Variants in KIRREL3 observed in about 807,000 individuals in gnomAD.
The protein encoded by KIRREL3 is kirre like nephrin family adhesion molecule 3.
Under a neutral mutation model 89.7 loss-of-function variants are expected in KIRREL3, and 36 were observed. The ratio of observed to expected loss-of-function variants is 0.40; its 90% CI spans 0.31 to 0.53. KIRREL3 has a LOEUF of 0.53. Ranked by LOEUF, KIRREL3 falls within the 20% of genes least tolerant of loss-of-function variation. The pLI, the probability that KIRREL3 is intolerant of heterozygous loss-of-function variation, is 0.49. For synonymous variants in KIRREL3, 445 were observed against 441.4 expected, an observed-to-expected ratio of 1.01 and a Z score of -0.10; for missense variants, 864 against 1,056.6, an observed-to-expected ratio of 0.82 and a Z score of 2.53.
At chr11:126,717,108 G>A (rs1320586133) in intron 1 of KIRREL3, among the ~76,000 whole-genome samples, 4 of 152,244 alleles carry the variant, frequency 2.6e-5, no homozygotes, top group South Asian at 4.2e-4. Context: ...AACAAAGAAC[G>A]CCACAAAGGG....
intron 1 of KIRREL3, among the ~76,000 whole-genome samples, chr11:126,911,758 C>A (rs550467329): frequency 6.6e-6 from 1 of 151,654 alleles, no homozygotes; most frequent in South Asian, 2.1e-4. Context: ...CTGAGGTGGG[C>A]GGATGACGAG....
In KIRREL3 at chr11:126,574,977, C is replaced by T. The variant is rs1941176525; in HGVS notation, c.56-12065G>A. 6.6e-6 allele frequency among the ~76,000 whole-genome samples: 1 copy of T among 152,108 alleles called. No homozygotes were observed. The highest frequency in any genetic ancestry group is 2.4e-5 in the African/African-American group (1 of 41,426). ...GGTGGGGATCAGTGTGTCTCTGGGA[C>T]CTATTTACCCCTATGAACCACTGGG... On this transcript the variant is annotated intron_variant, in intron 1 of 16. Transcript: ENST00000525144. The surrounding 1 kb of genome is among the most constrained non-coding windows in gnomAD (Gnocchi z 5.3).
At chr11:126,759,361 C>A (rs904197923) in intron 1 of KIRREL3, among the ~76,000 whole-genome samples, 1 of 152,224 alleles carries the variant, frequency 6.6e-6, no homozygotes, top group Non-Finnish European at 1.5e-5. Flanking sequence ...AACTCCTGAC[C>A]TTGTGATCTG....
chr11:126,517,987 G>A (rs1380227527), intron 4 of KIRREL3, among the ~76,000 whole-genome samples: 1 of 152,242 alleles, frequency 6.6e-6, no homozygotes, highest in Non-Finnish European at 1.5e-5. Context: ...ATAGTCCTTG[G>A]CAGCTGGCTG....
rs1334971220 is a variant in KIRREL3 at position 126,684,502 on chromosome 11, C to T, written c.56-121590G>A. 6.6e-6 allele frequency among the ~76,000 whole-genome samples: 1 copy of T among 152,218 alleles called. No individual in the cohort carries two copies. Among genetic ancestry groups the T allele is most frequent in the Non-Finnish European group, 1.5e-5 (1 of 68,036 alleles). ...AGGGTGTTAGGGAAACCACAGGTGT[C>T]CACAATGCCTGCCATGCTATGATTT... On this transcript the variant is annotated intron_variant, in intron 1 of 16. Transcript: ENST00000525144. The surrounding 1 kb of genome is among the most constrained non-coding windows in gnomAD (Gnocchi z 4.2).
Position 127,000,673 on chromosome 11 carries a change from G to A in KIRREL3, c.-164C>T. ...GTGGCTTCGGTCTCTTTGTGCCTCT[G>A]GGTATCTGCAGCCAGCCGACACAAA... On this transcript the variant is annotated 5_prime_UTR_variant, in exon 1 of 17. Transcript: ENST00000525144. The surrounding 1 kb of genome is among the most constrained non-coding windows in gnomAD (Gnocchi z 7.1). 1 of 593,196 alleles carries A rather than the reference G, an allele frequency of 1.7e-6. No individual in the cohort carries two copies. The highest frequency in any genetic ancestry group is 2.9e-6 in the Non-Finnish European group (1 of 342,536). 36.7% of individuals were successfully genotyped at this position (593,196 alleles called of 1,614,324 possible).
chr11:126,681,856 A>G, intron 1 of KIRREL3: 1 of 454,824 alleles, frequency 2.2e-6, no homozygotes, highest in Non-Finnish European at 4.4e-6. Context: ...GTCCGGAAGG[A>G]CAAGAAGTAC....
In KIRREL3 at chr11:126,681,677, T is replaced by C. The variant is rs187548860; in HGVS notation, c.56-118765A>G. The C allele has an allele frequency of 2.1e-5, 7 of 335,922 alleles. No homozygotes were observed. In the East Asian group the frequency reaches 4.6e-4, roughly 22 times the overall value. 20.8% of individuals were successfully genotyped at this position (335,922 alleles called of 1,614,324 possible). A position where few individuals can be genotyped will look rare whatever the true frequency, so the allele number is the denominator to read the frequency against. On this transcript the variant is annotated intron_variant, in intron 1 of 16. Coordinates refer to ENST00000525144, the MANE Select transcript of KIRREL3 (RefSeq NM_032531.4). ...AGTGCTTGAGATTTGCAAATTGTTGTCACTGGAGTTGGCCTGGTGCCTCGT... is the reference window on the plus strand; with the variant it reads ...AGTGCTTGAGATTTGCAAATTGTTGCCACTGGAGTTGGCCTGGTGCCTCGT...
Position 126,537,774 on chromosome 11 carries a change from G to A in KIRREL3, c.134-11087C>T, listed in dbSNP as rs956491981. 1.5e-4 allele frequency among the ~76,000 whole-genome samples: 23 copies of A among 152,358 alleles called. No individual in the cohort carries two copies. Among genetic ancestry groups the A allele is most frequent in the African/African-American group, 5.0e-4 (21 of 41,592 alleles). ...GCTGTGAGCATGAGAGGTTTTATATGTAAATGATCTTGGTAGACAGGTGTT... is the reference window on the plus strand; with the variant it reads ...GCTGTGAGCATGAGAGGTTTTATATATAAATGATCTTGGTAGACAGGTGTT... On this transcript the variant is annotated intron_variant, in intron 2 of 16. Transcript: ENST00000525144. This position sits in a 1 kb window ranked among gnomAD's most constrained non-coding sequence, Gnocchi z 4.3.
rs1941905206 is a variant in KIRREL3, at chr11:126,587,189, G to A, written c.56-24277C>T. Among the ~76,000 whole-genome samples, 1 of 152,050 alleles carries A rather than the reference G, an allele frequency of 6.6e-6. No homozygotes were observed. Among genetic ancestry groups the A allele is most frequent in the Non-Finnish European group, 1.5e-5 (1 of 68,004 alleles). ...GCAGTTCTTGGAAAATGTCCACTGG[G>A]GACATGACATCCAAGCTGAAACCCG... On this transcript the variant is annotated intron_variant, in intron 1 of 16. Transcript: ENST00000525144. The surrounding 1 kb of genome is among the most constrained non-coding windows in gnomAD (Gnocchi z 5.2).
In KIRREL3 at chr11:126,757,999, G is replaced by T. The variant is rs556080597; in HGVS notation, c.56-195087C>A. Among the ~76,000 whole-genome samples, 8 of 152,358 alleles carry T rather than the reference G, an allele frequency of 5.3e-5. No individual in the cohort carries two copies. In the South Asian group the frequency reaches 1.7e-3, roughly 32 times the overall value. On this transcript the variant is annotated intron_variant, in intron 1 of 16. Coordinates refer to ENST00000525144, the MANE Select transcript of KIRREL3 (RefSeq NM_032531.4). The stretch of plus-strand genomic sequence containing the variant: ...AGGGTGGTGGGGAAAAGCATAAGTT[G>T]TTGCCAATCGGGAGGTGCTCATTTG...
chr11:126,470,943 G>A (rs1390762589), intron 5 of KIRREL3, among the ~76,000 whole-genome samples: 2 of 152,200 alleles, frequency 1.3e-5, no homozygotes, highest in Admixed American at 6.5e-5. Flanking sequence ...AACCCCATCT[G>A]GGACTCTATG....
At chr11:126,497,205 TGTGA>T (rs768233705) in intron 4 of KIRREL3, among the ~76,000 whole-genome samples, 34 of 99,730 alleles carry the variant, frequency 3.4e-4, no homozygotes, top group African/African-American at 1.1e-3. Flanking sequence ...TGTGTGTGAG[TGTGA>T]GTGTGTGAGA....
At chr11:126,982,543 A>G (rs957628409) in intron 1 of KIRREL3, among the ~76,000 whole-genome samples, 6 of 152,216 alleles carry the variant, frequency 3.9e-5, no homozygotes, top group Non-Finnish European at 8.8e-5. Context: ...TAATGTTATA[A>G]TCGTATCTCT....
In KIRREL3 at chr11:126,622,307, A is replaced by G. The variant is rs563958397; in HGVS notation, c.56-59395T>C. Among the ~76,000 whole-genome samples the G allele has an allele frequency of 2.9e-3, 446 of 152,320 alleles. No homozygotes were observed. The highest frequency in any genetic ancestry group is 0.017 in the Middle Eastern group (5 of 294). ...TTCTAAATGTTAAAAATGGTGACAC[A>G]TTTTATCTCAAGTTGAACTTTGCAT... On this transcript the variant is annotated intron_variant, in intron 1 of 16. Transcript: ENST00000525144. The surrounding 1 kb of genome is among the most constrained non-coding windows in gnomAD (Gnocchi z 5.2).
Position 126,820,884 on chromosome 11 carries a change from C to A in KIRREL3, c.55+179571G>T, listed in dbSNP as rs189168670. ...TATGGGTAAGAGACATTGACAGCTA[C>A]CTTGAGTTTTCGTGAGGACTAAAGG... On this transcript the variant is annotated intron_variant, in intron 1 of 16. Transcript: ENST00000525144. Among the ~76,000 whole-genome samples, 24 of 152,274 alleles carry A rather than the reference C, an allele frequency of 1.6e-4. No individual in the cohort carries two copies. The East Asian group carries it at 4.5e-3, about 28-fold the overall frequency.
At chr11:126,595,617 A>G (rs1474131023) in intron 1 of KIRREL3, among the ~76,000 whole-genome samples, 1 of 152,218 alleles carries the variant, frequency 6.6e-6, no homozygotes, top group Non-Finnish European at 1.5e-5. Flanking sequence ...ATGACTCAGG[A>G]CTGTGTCCTT....
intron 1 of KIRREL3, among the ~76,000 whole-genome samples, chr11:126,857,760 T>A: frequency 9.7e-6 from 1 of 102,662 alleles, no homozygotes; most frequent in Non-Finnish European, 1.9e-5. Flanking sequence ...CCAATGCGTG[T>A]GGGAGAAAAG....
intron 1 of KIRREL3, among the ~76,000 whole-genome samples, chr11:126,799,352 C>CATGTGTGCA (rs1950934921): frequency 1.5e-5 from 1 of 67,874 alleles, no homozygotes; most frequent in African/African-American, 9.6e-5. Context: ...GTGTGTATCT[C>CATGTGTGCA]TGTGTGTATC....
Sources: allele counts gnomAD v4.1 joint callset (sites outside exome capture counted in the v4.1 genomes callset), GRCh38; gene constraint gnomAD v4.1.1; non-coding constraint Gnocchi (gnomAD v3.1); transcripts MANE v1.5; gene names NCBI Gene and HGNC (gene_info 2026-07-23, HGNC 2026-07-21).